Variants in NCOA3 observed in about 807,000 individuals in gnomAD.
The protein encoded by NCOA3 is CBP-interacting protein.
A neutral mutation model predicts 158.8 loss-of-function variants in NCOA3; 51 were observed. That is an observed-to-expected ratio of 0.32 (90% CI 0.26 to 0.41). The LOEUF is 0.41. NCOA3 is among the 10% of genes least tolerant of loss of function. The pLI is 1.00. For synonymous variants in NCOA3, 537 were observed against 592.4 expected, an observed-to-expected ratio of 0.91 and a Z score of 1.36; for missense variants, 1,510 against 1,746.6, an observed-to-expected ratio of 0.86 and a Z score of 2.41.
chr20:47,525,895 C>T (rs2084434561), intron 1 of NCOA3, among the ~76,000 whole-genome samples: 1 of 141,952 alleles, frequency 7.0e-6, no homozygotes, highest in African/African-American at 2.6e-5. Context: ...GGGGGCTGAC[C>T]CCCCCACCTC....
chr20:47,625,968 A>T (rs1481608819), intron 5 of NCOA3, among the ~76,000 whole-genome samples: 1 of 152,262 alleles, frequency 6.6e-6, no homozygotes, highest in African/African-American at 2.4e-5. Context: ...ATATATGCAT[A>T]GGCTATAGGC....
intron 19 of NCOA3, among the ~76,000 whole-genome samples, chr20:47,649,329 C>T (rs889125176): frequency 3.3e-5 from 5 of 152,128 alleles, no homozygotes; most frequent in African/African-American, 1.2e-4. Context: ...TTAAAACCAT[C>T]GATTAGTGTT....
intron 8 of NCOA3, chr20:47,630,982 C>T (rs1277614003): frequency 1.3e-5 from 2 of 152,200 alleles, no homozygotes; most frequent in Non-Finnish European, 2.9e-5. Flanking sequence ...TTGACATCAG[C>T]AGGAGCTTCC....
chr20:47,581,097 C>T (rs1339818116), intron 1 of NCOA3, among the ~76,000 whole-genome samples: 1 of 151,948 alleles, frequency 6.6e-6, no homozygotes, highest in Admixed American at 6.6e-5. Context: ...GAGTGAGATC[C>T]TGTCTCAAAA....
At chr20:47,558,316 AG>A (rs1405911074) in intron 1 of NCOA3, among the ~76,000 whole-genome samples, 1 of 135,232 alleles carries the variant, frequency 7.4e-6, no homozygotes, top group East Asian at 2.1e-4. Flanking sequence ...TCTTGACCTC[AG>A]GTGATCTGCC....
intron 1 of NCOA3, among the ~76,000 whole-genome samples, chr20:47,551,356 G>T (rs1236928763): frequency 6.6e-6 from 1 of 152,084 alleles, no homozygotes; most frequent in Non-Finnish European, 1.5e-5. Context: ...GTCAGGCTCC[G>T]TGCTGGCTGT....
At chr20:47,542,664 C>T (rs968326884) in intron 1 of NCOA3, among the ~76,000 whole-genome samples, 1 of 151,848 alleles carries the variant, frequency 6.6e-6, no homozygotes, top group Admixed American at 6.6e-5. Context: ...TAGGCAAGAC[C>T]CTCTCTCTAA....
At chr20:47,582,368 C>T (rs2085467252) in intron 1 of NCOA3, among the ~76,000 whole-genome samples, 1 of 152,018 alleles carries the variant, frequency 6.6e-6, no homozygotes, top group South Asian at 2.1e-4. Flanking sequence ...CATGCCATCA[C>T]ACCAAACTAA....
rs1342283630 is a variant in NCOA3 at position 47,654,329 on chromosome 20, C to T, written c.*912C>T. The stretch of plus-strand genomic sequence containing the variant: ...AAATAAACTTCTGAAAACCCAAGGC[C>T]AGGTACTGCATTCTGAATCAGAATC... On this transcript the variant is annotated 3_prime_UTR_variant, in exon 23 of 23. Transcript: ENST00000371998. The T allele has an allele frequency of 6.6e-6, 1 of 152,512 alleles. No individual in the cohort carries two copies. Among genetic ancestry groups the T allele is most frequent in the Non-Finnish European group, 1.5e-5 (1 of 68,026 alleles). 9.4% of individuals were successfully genotyped at this position (152,512 alleles called of 1,614,324 possible).
intron 2 of NCOA3, among the ~76,000 whole-genome samples, chr20:47,597,414 T>C (rs1451496245): frequency 6.6e-6 from 1 of 152,134 alleles, no homozygotes; most frequent in Non-Finnish European, 1.5e-5. Context: ...ACTCCTATGT[T>C]TGGTCTACTG....
At chr20:47,507,784 A>G (rs2084052587) in intron 1 of NCOA3, among the ~76,000 whole-genome samples, 1 of 152,014 alleles carries the variant, frequency 6.6e-6, no homozygotes, top group African/African-American at 2.4e-5. Context: ...ACACCTGGCT[A>G]ATTTTGTATT....
At chr20:47,534,707 G>A (rs1163246755) in intron 1 of NCOA3, among the ~76,000 whole-genome samples, 1 of 152,118 alleles carries the variant, frequency 6.6e-6, no homozygotes, top group Non-Finnish European at 1.5e-5. Context: ...TTGAGCTTAG[G>A]AGTTCAAGAG....
intron 1 of NCOA3, among the ~76,000 whole-genome samples, chr20:47,507,068 G>C (rs949284106): frequency 6.6e-6 from 1 of 152,162 alleles, no homozygotes; most frequent in African/African-American, 2.4e-5. Context: ...CTGAGTTGGC[G>C]TGGTAGATGG....
rs2086350136 is a variant in NCOA3 at position 47,627,997 on chromosome 20, G to A, written c.797G>A (p.Ser266Asn). The A allele has an allele frequency of 6.2e-7, 1 of 1,613,466 alleles. No individual in the cohort carries two copies. Residue 266 changes from serine to asparagine, a missense_variant, in exon 8 of 23, where the codon AGC (serine) becomes AAC (asparagine). This residue lies in a region of NCOA3 where 309 missense variants were observed against 427.1 expected (regional missense o/e 0.72). Transcript: ENST00000371998. ...GERTFPSNPE[S>N]FITRHDLSGK... ...AGAACATTTCCATCAAACCCTGAGA[G>A]CTTTATTACCAGACATGATCTTTCA...
chr20:47,541,319 C>T (rs2084725115), intron 1 of NCOA3, among the ~76,000 whole-genome samples: 1 of 65,420 alleles, frequency 1.5e-5, no homozygotes, highest in Non-Finnish European at 3.0e-5. Flanking sequence ...TTCTCTCTGT[C>T]CCCCCTCCCC....
chr20:47,621,653 A>ATTTTTTTTTTTTTTTTTT (rs1568732214), intron 2 of NCOA3, among the ~76,000 whole-genome samples: 1 of 93,120 alleles, frequency 1.1e-5, no homozygotes, highest in East Asian at 2.7e-4. Flanking sequence ...CCATCAGTCA[A>ATTTTTTTTTTTTTTTTTT]ATTTTTTTTT....
chr20:47,621,097 G>A (rs1176988590), intron 2 of NCOA3, among the ~76,000 whole-genome samples: 1 of 151,990 alleles, frequency 6.6e-6, no homozygotes, highest in African/African-American at 2.4e-5. Context: ...AATCATCTCA[G>A]CTTTTTAGCC....
rs574717874 is a variant in NCOA3 at position 47,597,222 on chromosome 20, T to G, written c.-20+13961T>G. On this transcript the variant is annotated intron_variant, in intron 2 of 22. Transcript: ENST00000371998. ...GCAACCAGAAGAAACCTCCAACTGGTCTGCTTTATGTCACTACTGTTTTAC... is the reference window on the plus strand; with the variant it reads ...GCAACCAGAAGAAACCTCCAACTGGGCTGCTTTATGTCACTACTGTTTTAC... Among the ~76,000 whole-genome samples the G allele has an allele frequency of 5.3e-5, 8 of 152,362 alleles. No individual in the cohort carries two copies. The South Asian group carries it at 1.7e-3, about 32-fold the overall frequency.
chr20:47,642,124 C>T lies in NCOA3; in HGVS notation c.3081-89C>T, dbSNP rs897280208. On this transcript the variant is annotated intron_variant, in intron 16 of 22. Coordinates refer to ENST00000371998, the MANE Select transcript of NCOA3 (RefSeq NM_181659.3). The stretch of plus-strand genomic sequence containing the variant: ...TGTTTGTAGCATTTGAGTTACTGTT[C>T]ATTAAAAATACTATGCATGGTTGCT... The T allele has an allele frequency of 4.2e-6, 4 of 950,920 alleles. No homozygotes were observed. In the African/African-American group the frequency reaches 6.6e-5, roughly 16 times the overall value. The allele number at this position is 950,920 out of a possible 1,614,324, so 58.9% of individuals were successfully genotyped here. A position where few individuals can be genotyped will look rare whatever the true frequency, so the allele number is the denominator to read the frequency against.
Sources: gnomAD v4.1 joint callset for allele counts (sites outside exome capture counted in the v4.1 genomes callset) on GRCh38, gnomAD v4.1.1 for gene constraint, gnomAD v4.1.1 regional missense constraint, MANE v1.5 for transcripts, NCBI Gene and HGNC (gene_info 2026-07-23, HGNC 2026-07-21) for gene names.